Variants in SEMA3D observed in about 807,000 individuals in gnomAD.
SEMA3D encodes semaphorin-3D.
SEMA3D carries 84 observed loss-of-function variants against 100.1 expected under a neutral mutation model. The observed-to-expected ratio is 0.84, with a 90% CI of 0.70 to 1.01. SEMA3D has a LOEUF of 1.01. SEMA3D is among the 50% of genes least tolerant of loss of function. The pLI, the probability that SEMA3D is intolerant of heterozygous loss-of-function variation, is 0.00. For synonymous variants in SEMA3D, 312 were observed against 320.7 expected (o/e 0.97, Z 0.29); for missense variants, 875 against 934.1 (o/e 0.94, Z 0.82).
chr7:85,071,476 A>G (rs1791772039), intron 6 of SEMA3D, among the ~76,000 whole-genome samples: 1 of 152,226 alleles, frequency 6.6e-6, no homozygotes, highest in Non-Finnish European at 1.5e-5. Flanking sequence ...TTTCAAAAAC[A>G]CAGCGAATTA....
intron 3 of SEMA3D, among the ~76,000 whole-genome samples, chr7:85,111,058 T>C (rs150228805): frequency 1.6e-4 from 25 of 152,178 alleles, no homozygotes; most frequent in African/African-American, 5.8e-4. Flanking sequence ...ACAACTTCTA[T>C]ACTAGAACTC....
the SEMA3D span, among the ~76,000 whole-genome samples, chr7:85,200,068 A>G: frequency 6.6e-6 from 1 of 152,218 alleles, no homozygotes; most frequent in Non-Finnish European, 1.5e-5. Flanking sequence ...CTGTATGTCC[A>G]TTAAACCTGT....
intron 11 of SEMA3D, among the ~76,000 whole-genome samples, chr7:85,038,086 C>G (rs946246908): frequency 1.3e-5 from 2 of 151,742 alleles, no homozygotes; most frequent in African/African-American, 4.8e-5. Context: ...TCTGGAGATA[C>G]GTCTAATGTT....
intron 9 of SEMA3D, among the ~76,000 whole-genome samples, chr7:85,054,976 T>C (rs534083223): frequency 9.9e-5 from 15 of 152,180 alleles, no homozygotes; most frequent in Admixed American, 9.2e-4. Flanking sequence ...TCTCATAGAG[T>C]ATCTGTGTTT....
chr7:85,068,228 A>G lies in SEMA3D; in HGVS notation c.552T>C (p.Pro184=). 1.2e-6 allele frequency: 2 copies of G among 1,609,158 alleles called. No homozygotes were observed. The highest frequency in any genetic ancestry group is 8.5e-7 in the Non-Finnish European group (1 of 1,175,608). Residue 184 remains proline, a synonymous_variant, in exon 7 of 19, where the codon CCT becomes CCC. Transcript: ENST00000284136. Reference sequence around the variant, plus strand: ...AAGCAAAAGGCTGCTGAGGATCGAAAGGACATTTCAGTCTGCCAGACTCCA... The same window carrying G: ...AAGCAAAAGGCTGCTGAGGATCGAAGGGACATTTCAGTCTGCCAGACTCCA... ...HNLESGRLKC[P]FDPQQPFASV...
chr7:85,188,873 T>C (rs572869638), upstream of SEMA3D, among the ~76,000 whole-genome samples: 27 of 152,334 alleles, frequency 1.8e-4, no homozygotes, highest in African/African-American at 6.3e-4. Flanking sequence ...TTCACTACTA[T>C]AATAAGCTCT....
intron 15 of SEMA3D, among the ~76,000 whole-genome samples, chr7:85,016,737 CCTT>C (rs1311714969): frequency 2.0e-5 from 3 of 151,304 alleles, no homozygotes; most frequent in African/African-American, 4.8e-5. Flanking sequence ...ATAACACCCT[CCTT>C]CTTAATCATA....
the SEMA3D span, among the ~76,000 whole-genome samples, chr7:85,246,354 A>G: frequency 7.2e-5 from 11 of 152,078 alleles, no homozygotes; most frequent in African/African-American, 2.4e-4. Flanking sequence ...AAAAAGCTAT[A>G]GAAAACTTTC....
the SEMA3D span, among the ~76,000 whole-genome samples, chr7:85,240,531 TG>T: frequency 2.0e-5 from 3 of 152,190 alleles, no homozygotes; most frequent in African/African-American, 7.2e-5. Flanking sequence ...TATTCCCCTC[TG>T]CTTATACTTT....
At chr7:85,046,267 C>T (rs1376708922) in intron 9 of SEMA3D, among the ~76,000 whole-genome samples, 1 of 151,888 alleles carries the variant, frequency 6.6e-6, no homozygotes, top group Non-Finnish European at 1.5e-5. Context: ...TCAAACATTT[C>T]CTCCCTTTCT....
In SEMA3D at chr7:84,997,576, T is replaced by C. The variant is rs979956146; in HGVS notation, c.*1864A>G. On this transcript the variant is annotated 3_prime_UTR_variant, in exon 19 of 19. Transcript: ENST00000284136. ...TATAATATCAAAAGGGAGTACTCAATCTCATATATCAGTTTGACTACTTTG... is the reference window on the plus strand; with the variant it reads ...TATAATATCAAAAGGGAGTACTCAACCTCATATATCAGTTTGACTACTTTG... 7.9e-5 allele frequency: 12 copies of C among 152,156 alleles called. No individual in the cohort carries two copies. The highest frequency in any genetic ancestry group is 2.9e-4 in the African/African-American group (12 of 41,440). The allele number at this position is 152,156 out of a possible 1,614,324, so 9.4% of individuals were successfully genotyped here. A position where few individuals can be genotyped will look rare whatever the true frequency, so the allele number is the denominator to read the frequency against.
At chr7:85,056,191 T>C (rs1429550765) in intron 8 of SEMA3D, among the ~76,000 whole-genome samples, 3 of 152,062 alleles carry the variant, frequency 2.0e-5, no homozygotes, top group Non-Finnish European at 4.4e-5. Flanking sequence ...CACCATGTCT[T>C]TCATAAACGG....
At chr7:85,049,290 A>C (rs1791093012) in intron 9 of SEMA3D, among the ~76,000 whole-genome samples, 1 of 151,790 alleles carries the variant, frequency 6.6e-6, no homozygotes, top group African/African-American at 2.4e-5. Flanking sequence ...CCTAGTATTT[A>C]GAGACGACTA....
chr7:85,207,263 A>G, the SEMA3D span, among the ~76,000 whole-genome samples: 2 of 152,078 alleles, frequency 1.3e-5, no homozygotes, highest in East Asian at 1.9e-4. Flanking sequence ...AACACCGTAA[A>G]AGAGGACAGG....
chr7:85,092,962 A>C (rs930663032), intron 4 of SEMA3D, among the ~76,000 whole-genome samples: 5 of 152,074 alleles, frequency 3.3e-5, no homozygotes, highest in Non-Finnish European at 5.9e-5. Flanking sequence ...TACTGGAAAC[A>C]AATACTTTCC....
At chr7:85,044,013 C>A (rs944287004) in intron 9 of SEMA3D, among the ~76,000 whole-genome samples, 2 of 151,932 alleles carry the variant, frequency 1.3e-5, no homozygotes, top group Admixed American at 1.3e-4. Flanking sequence ...TATAATAAGA[C>A]TAATTTATTT....
chr7:85,186,499 C>T (rs1196543076), intron 1 of SEMA3D, among the ~76,000 whole-genome samples, 179 bp downstream of exon 1: 1 of 152,136 alleles, frequency 6.6e-6, no homozygotes, highest in Non-Finnish European at 1.5e-5. Flanking sequence ...CGATTTCGCC[C>T]ACTCTCTGTC....
upstream of SEMA3D, among the ~76,000 whole-genome samples, chr7:85,188,407 A>G (rs552497530): frequency 4.5e-4 from 68 of 152,322 alleles, no homozygotes; most frequent in African/African-American, 1.6e-3. Context: ...ATTTCAAACT[A>G]TAGCAACTTT....
intron 1 of SEMA3D, among the ~76,000 whole-genome samples, chr7:85,161,529 G>T (rs1195091403): frequency 6.6e-6 from 1 of 152,102 alleles, no homozygotes; most frequent in Non-Finnish European, 1.5e-5. Context: ...AAGAAGACAG[G>T]GCTGGAACTG....
Sources: gnomAD v4.1 joint callset for allele counts (sites outside exome capture counted in the v4.1 genomes callset) on GRCh38, gnomAD v4.1.1 for gene constraint, MANE v1.5 for transcripts, NCBI Gene and HGNC (gene_info 2026-07-23, HGNC 2026-07-21) for gene names.